GRK1: variants seen among roughly 807,000 people sequenced by gnomAD.
GRK1 encodes G protein-coupled receptor kinase 1, also known as rhodopsin kinase GRK1.
GRK1 carries 28 observed loss-of-function variants against 41.7 expected under a neutral mutation model. The ratio of observed to expected loss-of-function variants is 0.67; its 90% CI spans 0.50 to 0.92. The LOEUF is 0.92. Among genes scored for constraint, GRK1 ranks in the 40% least tolerant of loss-of-function variants. The pLI is 0.00. For missense variants in GRK1, 703 were observed against 671.2 expected, an observed-to-expected ratio of 1.05 and a Z score of -0.52; for synonymous variants, 327 against 286.7, an observed-to-expected ratio of 1.14 and a Z score of -1.42.
In GRK1 at chr13:113,735,388, G is replaced by A; in HGVS notation, c.*25G>A. 6.8e-7 allele frequency: 1 copy of A among 1,467,898 alleles called. No individual in the cohort carries two copies. Among genetic ancestry groups the A allele is most frequent in the Non-Finnish European group, 9.0e-7 (1 of 1,111,348 alleles). 90.9% of individuals were successfully genotyped at this position (1,467,898 alleles called of 1,614,324 possible). ...GGTGACGCCCCAGAGTCCACGTGGAGGAAAAGGACCCATACGGCTCGATGG... is the reference window on the plus strand; with the variant it reads ...GGTGACGCCCCAGAGTCCACGTGGAAGAAAAGGACCCATACGGCTCGATGG... On this transcript the variant is annotated 3_prime_UTR_variant, in exon 7 of 7. Coordinates refer to ENST00000335678, the MANE Select transcript of GRK1 (RefSeq NM_002929.3).
At chr13:113,732,837 CAA>C in intron 5 of GRK1, 45 bp from the exon 6 acceptor site, 1 of 1,531,912 alleles carries the variant, frequency 6.5e-7, no homozygotes, top group Non-Finnish European at 8.7e-7. Flanking sequence ...TCTGACCACC[CAA>C]GAGAGGCGGG....
At chr13:113,727,138 T>TAA (rs1178239243) in intron 4 of GRK1, among the ~76,000 whole-genome samples, 1 of 152,244 alleles carries the variant, frequency 6.6e-6, no homozygotes, top group East Asian at 1.9e-4. Context: ...ACAGGCCCCA[T>TAA]GTGCCACACA....
the GRK1 span, among the ~76,000 whole-genome samples, chr13:113,659,863 G>A: frequency 6.6e-6 from 1 of 152,298 alleles, no homozygotes; most frequent in Admixed American, 6.5e-5. Flanking sequence ...GTGGCCCTGG[G>A]ACCCCAGAGT....
At chr13:113,666,498 G>GC (rs778187037), upstream of GRK1, among the ~76,000 whole-genome samples, 1 of 151,784 alleles carries the variant, frequency 6.6e-6, no homozygotes, top group Non-Finnish European at 1.5e-5. Context: ...TCCCAGATGT[G>GC]CCCCAGGTGT....
the GRK1 span, among the ~76,000 whole-genome samples, chr13:113,652,120 C>T: frequency 1.1e-4 from 16 of 152,334 alleles, no homozygotes; most frequent in African/African-American, 2.9e-4. Flanking sequence ...CTGGCCCACC[C>T]GGGCCTTCAG....
chr13:113,654,764 C>T, the GRK1 span: 19 of 1,590,442 alleles, frequency 1.2e-5, no homozygotes, highest in Admixed American at 5.2e-5. Context: ...GCCGAGGAGG[C>T]GGCAGCCTGG....
intron 6 of GRK1, 54 bp from the exon 7 acceptor site, chr13:113,735,004 TGGCTAAACGG>T: frequency 7.0e-7 from 1 of 1,423,126 alleles, no homozygotes; most frequent in Non-Finnish European, 9.2e-7. Context: ...GGGGGCTTTT[TGGCTAAACGG>T]CGCTTCCTTC....
At chr13:113,658,183 C>A in the GRK1 span, 2 of 1,573,132 alleles carry the variant, frequency 1.3e-6, no homozygotes, top group Non-Finnish European at 1.7e-6. Flanking sequence ...CTCCCTGCAC[C>A]CTCTACGCCC....
chr13:113,652,386 A>T, the GRK1 span, among the ~76,000 whole-genome samples: 2 of 152,212 alleles, frequency 1.3e-5, no homozygotes, highest in Non-Finnish European at 2.9e-5. Context: ...AGAGCTGCTG[A>T]TTGGTCCATG....
At chr13:113,733,852 TGTGTGCATAC>T (rs2049971059) in intron 6 of GRK1, among the ~76,000 whole-genome samples, 1 of 133,270 alleles carries the variant, frequency 7.5e-6, no homozygotes, top group South Asian at 2.3e-4. Flanking sequence ...TGCATGTGTA[TGTGTGCATAC>T]GTGTGTGCGT....
chr13:113,651,741 G>A, the GRK1 span: 1 of 1,613,070 alleles, frequency 6.2e-7, no homozygotes, highest in Non-Finnish European at 8.5e-7. Flanking sequence ...GAAGGGAAAA[G>A]CTTGAGCGTG....
the GRK1 span, among the ~76,000 whole-genome samples, chr13:113,655,561 C>G: frequency 6.6e-6 from 1 of 152,224 alleles, no homozygotes; most frequent in Admixed American, 6.5e-5. Context: ...GCGTCAGAAC[C>G]TAACGGAAGC....
chr13:113,725,180 ACGC>A (rs1463095562), intron 4 of GRK1, among the ~76,000 whole-genome samples: 9 of 104,252 alleles, frequency 8.6e-5, no homozygotes, highest in Middle Eastern at 6.3e-3. Flanking sequence ...GCGCCCTCCC[ACGC>A]GCCCCCCACG....
chr13:113,650,655 A>G, the GRK1 span: 3 of 597,030 alleles, frequency 5.0e-6, no homozygotes, highest in African/African-American at 1.9e-5. The surrounding 1 kb of genome is among the most constrained non-coding windows in gnomAD (Gnocchi z 5.0). Context: ...ATCAGATGCA[A>G]TCTTTCTAAT....
In GRK1 at chr13:113,669,174, G is replaced by A. The variant is rs192133392; in HGVS notation, c.700-513G>A. 2.7e-3 allele frequency among the ~76,000 whole-genome samples: 414 copies of A among 152,320 alleles called. 3 individuals are homozygous for A. The highest frequency in any genetic ancestry group is 0.021 in the South Asian group (102 of 4,828). On this transcript the variant is annotated intron_variant, in intron 1 of 6. Transcript: ENST00000335678. Reference sequence around the variant, plus strand: ...CATGTAAGTGCAGAAAGGGGCCTCCGACATCAGGAATTCCCTCTTCAAAGA... The same window carrying A: ...CATGTAAGTGCAGAAAGGGGCCTCCAACATCAGGAATTCCCTCTTCAAAGA...
At chr13:113,733,574 T>A (rs1438037320) in intron 6 of GRK1, among the ~76,000 whole-genome samples, 2 of 149,646 alleles carry the variant, frequency 1.3e-5, no homozygotes, top group African/African-American at 5.0e-5. Context: ...TGTATGTGTA[T>A]GTGTGTGCAT....
intron 4 of GRK1, among the ~76,000 whole-genome samples, chr13:113,728,961 G>A (rs371697674): frequency 6.6e-6 from 1 of 152,294 alleles, no homozygotes; most frequent in African/African-American, 2.4e-5. Context: ...CCTGAGCAGC[G>A]TGGGGGTGCC....
intron 2 of GRK1, 155 bp downstream of exon 2, chr13:113,669,969 G>A (rs79928642): frequency 2.0e-6 from 1 of 504,610 alleles, no homozygotes; most frequent in South Asian, 8.4e-5. Flanking sequence ...TCTCGCTGTT[G>A]GTTCCTGAAA....
intron 6 of GRK1, among the ~76,000 whole-genome samples, chr13:113,733,490 C>T (rs36192206): frequency 0.25 from 35,894 of 144,616 alleles, 4,902 homozygotes; most frequent in Middle Eastern, 0.38. Flanking sequence ...TATGTGCGCG[C>T]GTGTGTGTAT....
Sources: gnomAD v4.1 joint callset for allele counts (sites outside exome capture counted in the v4.1 genomes callset) on GRCh38, gnomAD v4.1.1 for gene constraint, Gnocchi (gnomAD v3.1) non-coding constraint, MANE v1.5 for transcripts, NCBI Gene and HGNC (gene_info 2026-07-23, HGNC 2026-07-21) for gene names.